Variants in HDAC9 observed in about 807,000 individuals in gnomAD.
The protein encoded by HDAC9 is MEF-2 interacting transcription repressor (MITR) protein.
HDAC9 carries 41 observed loss-of-function variants against 139.4 expected under a neutral mutation model. That is an observed-to-expected ratio of 0.29 (90% confidence interval 0.23 to 0.38). The LOEUF is 0.38. Among genes scored for constraint, HDAC9 ranks in the 10% least tolerant of loss-of-function variants. The probability of loss-of-function intolerance (pLI) is 1.00; values close to 1 mark genes in which losing one functional copy is unlikely to be tolerated. For missense variants in HDAC9, 1,147 were observed against 1,297.0 expected, an observed-to-expected ratio of 0.88 and a Z score of 1.78; for synonymous variants, 517 against 476.2, an observed-to-expected ratio of 1.09 and a Z score of -1.12.
At chr7:18,732,212 G>A (rs899131212) in intron 13 of HDAC9, among the ~76,000 whole-genome samples, 1 of 152,084 alleles carries the variant, frequency 6.6e-6, no homozygotes, top group Non-Finnish European at 1.5e-5. Context: ...TTATACTTTT[G>A]AGAATTATAA....
At chr7:18,995,640 G>A (rs1391020088) in intron 25 of HDAC9, among the ~76,000 whole-genome samples, 2 of 152,156 alleles carry the variant, frequency 1.3e-5, no homozygotes, top group Non-Finnish European at 2.9e-5. Context: ...GAAGCTAGCT[G>A]GGTCCTTTGC....
At chr7:18,223,391 ATT>A (rs199647771) in intron 2 of HDAC9, among the ~76,000 whole-genome samples, 24 of 138,476 alleles carry the variant, frequency 1.7e-4, no homozygotes, top group Non-Finnish European at 2.5e-4. Context: ...ACCCCGGTCA[ATT>A]TTTTTTTTTT....
rs573280469 is a variant in HDAC9 at position 18,938,037 on chromosome 7, A to G, written c.2937+2095A>G. Among the ~76,000 whole-genome samples, 4 of 152,298 alleles carry G rather than the reference A, an allele frequency of 2.6e-5. 1 individual carries two copies. The highest frequency in any genetic ancestry group is 9.6e-5 in the African/African-American group (4 of 41,566). On this transcript the variant is annotated intron_variant, in intron 23 of 25. Transcript: ENST00000686413. ...AATTTATCTGTGTTTACTGTAAAGC[A>G]AAGTGTGTTTTGTACCTTGCTGCCA...
chr7:18,827,524 A>C (rs530259163), intron 17 of HDAC9, among the ~76,000 whole-genome samples: 141 of 152,292 alleles, frequency 9.3e-4, no homozygotes, highest in African/African-American at 2.7e-3. Flanking sequence ...TTTTCTAAAA[A>C]TTTAATTTCC....
intron 13 of HDAC9, among the ~76,000 whole-genome samples, chr7:18,745,916 A>G (rs1787931061): frequency 7.4e-6 from 1 of 135,688 alleles, no homozygotes; most frequent in South Asian, 2.3e-4. Flanking sequence ...TGCCCATGCA[A>G]GTTCTCACCC....
intron 2 of HDAC9, among the ~76,000 whole-genome samples, chr7:18,225,154 T>G (rs1432542698): frequency 1.3e-5 from 2 of 152,170 alleles, no homozygotes; most frequent in Non-Finnish European, 2.9e-5. Flanking sequence ...CATTAGGATA[T>G]TTTACTACCT....
At chr7:18,353,267 G>T (rs1041964259) in intron 1 of HDAC9, among the ~76,000 whole-genome samples, 3 of 145,390 alleles carry the variant, frequency 2.1e-5, no homozygotes, top group African/African-American at 4.9e-5. Flanking sequence ...GTAATATTGG[G>T]ATTTTTTTTT....
intron 12 of HDAC9, among the ~76,000 whole-genome samples, chr7:18,720,053 T>C (rs893325470): frequency 2.0e-5 from 3 of 152,212 alleles, no homozygotes; most frequent in Non-Finnish European, 4.4e-5. Context: ...ACCTGTATAG[T>C]ACAGTAAGTT....
chr7:18,751,440 C>T (rs185979440), intron 14 of HDAC9, among the ~76,000 whole-genome samples: 12 of 152,198 alleles, frequency 7.9e-5, no homozygotes, highest in Admixed American at 2.0e-4. Flanking sequence ...GGCAGTTCAC[C>T]AGGTGTTTGC....
chr7:18,240,289 T>G (rs2128189518), intron 2 of HDAC9, among the ~76,000 whole-genome samples: 1 of 150,954 alleles, frequency 6.6e-6, no homozygotes, highest in African/African-American at 2.4e-5. Flanking sequence ...GAGTGTAGAT[T>G]GTAATTTGGG....
intron 16 of HDAC9, among the ~76,000 whole-genome samples, chr7:18,782,699 G>A (rs984420897): frequency 4.8e-5 from 3 of 62,440 alleles, no homozygotes; most frequent in South Asian, 5.8e-4. Flanking sequence ...AGCAAAATGC[G>A]GGGATTTTTT....
intron 17 of HDAC9, among the ~76,000 whole-genome samples, chr7:18,800,163 A>G (rs1211528004): frequency 1.3e-5 from 2 of 152,178 alleles, no homozygotes; most frequent in Admixed American, 6.5e-5. Context: ...TGTCCAACAA[A>G]TCTGTCCTTC....
At chr7:18,446,539 ACTTG>A (rs1733541230) in intron 1 of HDAC9, among the ~76,000 whole-genome samples, 1 of 152,216 alleles carries the variant, frequency 6.6e-6, no homozygotes, top group South Asian at 2.1e-4. Context: ...CAAAAGTAAT[ACTTG>A]CTTATTGTTT....
In HDAC9 at chr7:18,727,720, A is replaced by G. The variant is rs1178127; in HGVS notation, c.1872A>G (p.Pro624=). Residue 624 remains proline (P), a synonymous_variant, in exon 13 of 26, where the codon CCA becomes CCG. Transcript: ENST00000686413. Reference sequence around the variant, plus strand: ...CTGCTGCCTCTGTTTTACCTCACCCAGCAATGGACCGCCCCCTCCAGCCTG... The same window carrying G: ...CTGCTGCCTCTGTTTTACCTCACCCGGCAATGGACCGCCCCCTCCAGCCTG... The part of the protein sequence containing the change: ...SSPAASVLPH[P]AMDRPLQPGS... The G allele has an allele frequency of 0.27, 417,550 of 1,564,104 alleles. 58,789 individuals carry two copies. The highest frequency in any genetic ancestry group is 0.53 in the East Asian group (22,203 of 42,072).
At chr7:18,346,475 A>G (rs1313330000) in intron 1 of HDAC9, among the ~76,000 whole-genome samples, 1 of 152,006 alleles carries the variant, frequency 6.6e-6, no homozygotes, top group Non-Finnish European at 1.5e-5. Flanking sequence ...CACAACTTGC[A>G]TTTTTTCCTT....
intron 14 of HDAC9, among the ~76,000 whole-genome samples, chr7:18,761,778 TAAC>T (rs919703855): frequency 2.0e-5 from 3 of 152,200 alleles, no homozygotes; most frequent in African/African-American, 4.8e-5. Context: ...GAGTGTGTTC[TAAC>T]AACTTCTTTG....
At position 18,732,758 on chromosome 7, in the gene HDAC9, C is replaced by CGT. The variant is rs551964694; in HGVS notation, c.1909+5004_1909+5005dup. Among the ~76,000 whole-genome samples, 373 of 61,466 alleles carry CGT rather than the reference C, an allele frequency of 6.1e-3. 59 individuals carry two copies. Among genetic ancestry groups the CGT allele is most frequent in the East Asian group, 0.02 (25 of 1,280 alleles). The allele number at this position is 61,466 out of a possible 152,430, so 40.3% of individuals were successfully genotyped here. A position where few individuals can be genotyped will look rare whatever the true frequency, so the allele number is the denominator to read the frequency against. On this transcript the variant is annotated intron_variant, in intron 13 of 25. Transcript: ENST00000686413. ...GTATGTGTGCGTATGTGTACACACA[C>CGT]GTGTATGTGTGCGTATGTGTACACA...
At chr7:18,549,687 C>G (rs186121360) in intron 2 of HDAC9, among the ~76,000 whole-genome samples, 9 of 151,322 alleles carry the variant, frequency 5.9e-5, no homozygotes, top group Admixed American at 1.3e-4. Context: ...CAGGATTCCT[C>G]TTTGTACTAC....
At position 18,633,124 on chromosome 7, in the gene HDAC9, G is replaced by A. The variant is rs116407176; in HGVS notation, c.797-1503G>A. Among the ~76,000 whole-genome samples the A allele has an allele frequency of 9.4e-3, 1,424 of 152,070 alleles. 16 individuals carry two copies. The highest frequency in any genetic ancestry group is 0.031 in the Middle Eastern group (9 of 294). ...TCATGATACTGAGTGATTTTGACAA[G>A]GGAAATAGAAAAGGGATAAAGTCAC... On this transcript the variant is annotated intron_variant, in intron 7 of 25. Transcript: ENST00000686413.
Sources: gnomAD v4.1 joint callset for allele counts (sites outside exome capture counted in the v4.1 genomes callset) on GRCh38, gnomAD v4.1.1 for gene constraint, MANE v1.5 for transcripts, NCBI Gene and HGNC (gene_info 2026-07-23, HGNC 2026-07-21) for gene names.